ARHGAP42: variants seen among roughly 807,000 people sequenced by gnomAD.
ARHGAP42 encodes rho GTPase-activating protein 42.
ARHGAP42 carries 63 observed loss-of-function variants against 125.0 expected under a neutral mutation model. The ratio of observed to expected loss-of-function variants is 0.50; its 90% CI spans 0.41 to 0.62. The LOEUF (loss-of-function observed/expected upper bound fraction) is 0.62. Ranked by LOEUF, ARHGAP42 falls within the 20% of genes least tolerant of loss-of-function variation. The pLI is 0.00. For missense variants in ARHGAP42, 766 were observed against 1,024.2 expected (o/e 0.75, Z 3.44); for synonymous variants, 339 against 351.0 (o/e 0.97, Z 0.38).
At chr11:100,733,130 G>A (rs1399302652) in intron 1 of ARHGAP42, among the ~76,000 whole-genome samples, 1 of 152,214 alleles carries the variant, frequency 6.6e-6, no homozygotes, top group African/African-American at 2.4e-5. Flanking sequence ...CTTTGATTCT[G>A]TAGTTCAGCT....
At chr11:100,982,772 A>G (rs576409267) in intron 22 of ARHGAP42, among the ~76,000 whole-genome samples, 1 of 152,340 alleles carries the variant, frequency 6.6e-6, no homozygotes, top group African/African-American at 2.4e-5. Flanking sequence ...TCTATTATCA[A>G]ATTTTAAAAG....
intron 16 of ARHGAP42, 130 bp from the exon 17 acceptor site, chr11:100,965,541 A>G (rs1283283722): frequency 2.6e-6 from 2 of 763,610 alleles, no homozygotes; most frequent in East Asian, 2.7e-5. Context: ...TGATAATGAC[A>G]GTACTACATG....
At chr11:100,742,435 A>G (rs1439621900) in intron 1 of ARHGAP42, among the ~76,000 whole-genome samples, 2 of 152,138 alleles carry the variant, frequency 1.3e-5, no homozygotes, top group Admixed American at 6.5e-5. Flanking sequence ...CAAGGTTCAG[A>G]TATGTGACCT....
intron 4 of ARHGAP42, among the ~76,000 whole-genome samples, chr11:100,875,529 G>C (rs993072490): frequency 7.9e-5 from 12 of 152,178 alleles, no homozygotes; most frequent in Non-Finnish European, 1.5e-4. Context: ...ACTGACACTG[G>C]GGGGAGGGTT....
chr11:100,981,905 A>G (rs771543853), intron 22 of ARHGAP42, among the ~76,000 whole-genome samples: 2 of 152,156 alleles, frequency 1.3e-5, no homozygotes, highest in Non-Finnish European at 2.9e-5. Flanking sequence ...TAGCTTGTGC[A>G]TATGTAGGAG....
intron 4 of ARHGAP42, among the ~76,000 whole-genome samples, chr11:100,880,036 A>T (rs1412620721): frequency 6.6e-6 from 1 of 152,204 alleles, no homozygotes; most frequent in East Asian, 1.9e-4. Context: ...TGAAGGACAG[A>T]TTATTTATTC....
chr11:100,779,921 G>C (rs1863260084), intron 2 of ARHGAP42, among the ~76,000 whole-genome samples: 1 of 151,810 alleles, frequency 6.6e-6, no homozygotes, highest in Non-Finnish European at 1.5e-5. Context: ...AGCTACTCGG[G>C]AGGCTGAGGC....
chr11:100,908,610 G>A (rs1372641633), intron 4 of ARHGAP42, among the ~76,000 whole-genome samples: 1 of 152,110 alleles, frequency 6.6e-6, no homozygotes, highest in Non-Finnish European at 1.5e-5. Flanking sequence ...ATTCCATGGT[G>A]TATATATATC....
intron 1 of ARHGAP42, among the ~76,000 whole-genome samples, chr11:100,764,484 T>C (rs1457729685): frequency 1.3e-5 from 2 of 152,190 alleles, no homozygotes; most frequent in African/African-American, 4.8e-5. Context: ...CCTCATAGCT[T>C]TGTGTAAGAT....
At chr11:100,831,143 A>G (rs895525542) in intron 3 of ARHGAP42, among the ~76,000 whole-genome samples, 4 of 152,092 alleles carry the variant, frequency 2.6e-5, no homozygotes, top group African/African-American at 9.7e-5. Context: ...CATATTACCA[A>G]AGTGCCTGGA....
chr11:100,900,041 G>A (rs1034621673), intron 4 of ARHGAP42, among the ~76,000 whole-genome samples: 13 of 151,936 alleles, frequency 8.6e-5, no homozygotes, highest in East Asian at 7.7e-4. Flanking sequence ...GGAGTGGCTC[G>A]TACTGGTCGT....
At chr11:100,895,721 A>T (rs947595638) in intron 4 of ARHGAP42, among the ~76,000 whole-genome samples, 24 of 152,068 alleles carry the variant, frequency 1.6e-4, no homozygotes, top group African/African-American at 5.8e-4. Context: ...ACATGCACAC[A>T]TCTCATTGCT....
chr11:100,805,091 G>A (rs183291866), intron 3 of ARHGAP42, among the ~76,000 whole-genome samples: 2 of 152,282 alleles, frequency 1.3e-5, no homozygotes, highest in East Asian at 3.9e-4. Flanking sequence ...AATTTAATAT[G>A]AACAGCAGTC....
At chr11:100,729,812 T>A (rs1861923718) in intron 1 of ARHGAP42, among the ~76,000 whole-genome samples, 1 of 118,410 alleles carries the variant, frequency 8.4e-6, no homozygotes, top group South Asian at 2.4e-4. Context: ...AATTTCTTTC[T>A]TTTTTTTTTT....
chr11:100,976,143 A>G lies in ARHGAP42; in HGVS notation c.1942A>G (p.Thr648Ala). ...TCATTCCTCTGAACAAAATAGCACT[A>G]CAAAGTCAGCTTCCTGCCAGCCCAG... Reference protein sequence around the residue: ...SSHSSEQNSTTKSASCQPREK... With the variant: ...SSHSSEQNSTAKSASCQPREK... Residue 648 changes from threonine (T) to alanine (A), a missense_variant, in exon 20 of 24, where the codon ACA becomes GCA. By Grantham distance (58) the Thr-to-Ala change is moderately conservative. Coordinates refer to ENST00000298815, the MANE Select transcript of ARHGAP42 (RefSeq NM_152432.4). 1 of 1,551,698 alleles carries G rather than the reference A, an allele frequency of 6.4e-7. No homozygotes were observed. The highest frequency in any genetic ancestry group is 8.7e-7 in the Non-Finnish European group (1 of 1,146,880).
At chr11:100,708,471 C>T (rs553202892) in intron 1 of ARHGAP42, among the ~76,000 whole-genome samples, 2 of 152,032 alleles carry the variant, frequency 1.3e-5, no homozygotes, top group Non-Finnish European at 2.9e-5. Flanking sequence ...CATGATGAAG[C>T]CTTGCACACT....
chr11:100,903,117 GCACACACACACACACACA>G (rs1555021069), intron 4 of ARHGAP42, among the ~76,000 whole-genome samples: 3 of 131,942 alleles, frequency 2.3e-5, no homozygotes, highest in Non-Finnish European at 4.8e-5. Flanking sequence ...TCCAAGATGC[GCACACACACACACACACA>G]CACACACACA....
At chr11:100,810,511 A>G (rs1479635071) in intron 3 of ARHGAP42, among the ~76,000 whole-genome samples, 1 of 152,220 alleles carries the variant, frequency 6.6e-6, no homozygotes, top group African/African-American at 2.4e-5. Context: ...CATATTTTCA[A>G]CAGCAGATAC....
Position 100,988,841 on chromosome 11 carries a change from G to A in ARHGAP42, c.*40G>A. 2 of 1,416,600 alleles carry A rather than the reference G, an allele frequency of 1.4e-6. No individual in the cohort carries two copies. Among genetic ancestry groups the A allele is most frequent in the Non-Finnish European group, 1.9e-6 (2 of 1,029,260 alleles). 87.8% of individuals were successfully genotyped at this position (1,416,600 alleles called of 1,614,324 possible). A position where few individuals can be genotyped will look rare whatever the true frequency, so the allele number is the denominator to read the frequency against. On this transcript the variant is annotated 3_prime_UTR_variant, in exon 24 of 24. Coordinates refer to ENST00000298815, the MANE Select transcript of ARHGAP42 (RefSeq NM_152432.4). ...TGGCAGTATCTTCATGGTATCCATG[G>A]TAACGAATAAATGCTATGATTTTAT...
Sources: allele counts gnomAD v4.1 joint callset (sites outside exome capture counted in the v4.1 genomes callset), GRCh38; gene constraint gnomAD v4.1.1; transcripts MANE v1.5; gene names NCBI Gene and HGNC (gene_info 2026-07-23, HGNC 2026-07-21).